WDFY2: variants seen among roughly 807,000 people sequenced by gnomAD.
The protein encoded by WDFY2 is WD repeat and FYVE domain containing 2.
In WDFY2, 36 loss-of-function variants were observed where a neutral mutation model predicts 56.4. The observed-to-expected ratio is 0.64, with a 90% CI of 0.49 to 0.84. The LOEUF (loss-of-function observed/expected upper bound fraction) is 0.84. WDFY2 is among the 40% of genes least tolerant of loss of function. The pLI, the probability that WDFY2 is intolerant of heterozygous loss-of-function variation, is 0.00. For synonymous variants in WDFY2, 176 were observed against 183.7 expected, an observed-to-expected ratio of 0.96 and a Z score of 0.34; for missense variants, 444 against 512.2, an observed-to-expected ratio of 0.87 and a Z score of 1.29.
chr13:51,631,319 A>G (rs1954947962), intron 1 of WDFY2, among the ~76,000 whole-genome samples: 1 of 151,474 alleles, frequency 6.6e-6, no homozygotes, highest in African/African-American at 2.4e-5. Context: ...TGAGATCAGG[A>G]ATTTCAGTCA....
At chr13:51,592,724 C>T (rs1312627267) in intron 1 of WDFY2, 1 of 152,030 alleles carries the variant, frequency 6.6e-6, no homozygotes, top group Non-Finnish European at 1.5e-5. Flanking sequence ...TATGTATTTT[C>T]CATTGGTTAT....
intron 3 of WDFY2, among the ~76,000 whole-genome samples, chr13:51,689,061 C>T (rs1034615439): frequency 1.3e-5 from 2 of 152,206 alleles, no homozygotes; most frequent in African/African-American, 4.8e-5. Context: ...CACTGAATAA[C>T]TTCCAAGAGC....
At chr13:51,629,228 C>T (rs1287294403) in intron 1 of WDFY2, among the ~76,000 whole-genome samples, 4 of 152,174 alleles carry the variant, frequency 2.6e-5, no homozygotes, top group Non-Finnish European at 5.9e-5. Context: ...GTGGGTTTCT[C>T]CCTAGCCTGC....
At position 51,719,196 on chromosome 13, in the gene WDFY2, A is replaced by T. The variant is rs544873303; in HGVS notation, c.335-2A>T. The T allele has an allele frequency of 6.2e-7, 1 of 1,614,184 alleles. No individual in the cohort carries two copies. The highest frequency in any genetic ancestry group is 1.1e-5 in the South Asian group (1 of 91,088). ...GTTGTTTTCTTTTCTCTTGGTTTTC[A>T]GCGCATCAGAGCAGAGTGACGATGA... On this transcript the variant is annotated splice_acceptor_variant, in intron 4 of 11. Transcript: ENST00000298125. LOFTEE classifies it high-confidence loss of function.
At chr13:51,609,697 G>GA (rs1263935459) in intron 1 of WDFY2, among the ~76,000 whole-genome samples, 4 of 126,384 alleles carry the variant, frequency 3.2e-5, no homozygotes, top group South Asian at 4.8e-4. Context: ...GTGATTAAAA[G>GA]AAAAAAAATA....
intron 1 of WDFY2, among the ~76,000 whole-genome samples, chr13:51,641,063 A>G (rs1955145469): frequency 6.6e-6 from 1 of 152,010 alleles, no homozygotes; most frequent in Non-Finnish European, 1.5e-5. Context: ...CATCTTATTC[A>G]TGGAGCATTT....
chr13:51,606,952 G>A (rs919384209), intron 1 of WDFY2, among the ~76,000 whole-genome samples: 1 of 152,094 alleles, frequency 6.6e-6, no homozygotes, highest in African/African-American at 2.4e-5. Context: ...TATCCCTTCA[G>A]TACCAGCCGT....
chr13:51,651,089 A>G (rs533325110), intron 1 of WDFY2, among the ~76,000 whole-genome samples: 11 of 152,280 alleles, frequency 7.2e-5, no homozygotes, highest in African/African-American at 2.4e-4. Flanking sequence ...CCTCAATTTC[A>G]GAGCCTCTTA....
intron 3 of WDFY2, among the ~76,000 whole-genome samples, chr13:51,699,293 C>T (rs1290139065): frequency 6.6e-6 from 1 of 152,122 alleles, no homozygotes; most frequent in African/African-American, 2.4e-5. Flanking sequence ...TCCATCCCTT[C>T]CTTCAGTGGA....
chr13:51,655,821 T>C (rs145500519), intron 1 of WDFY2, among the ~76,000 whole-genome samples: 19 of 152,276 alleles, frequency 1.2e-4, no homozygotes, highest in African/African-American at 4.3e-4. Context: ...TTTTGATTAT[T>C]GATTCAATCT....
intron 1 of WDFY2, among the ~76,000 whole-genome samples, chr13:51,604,455 A>G (rs759326440): frequency 2.0e-5 from 3 of 152,106 alleles, no homozygotes; most frequent in Non-Finnish European, 4.4e-5. Flanking sequence ...AACCTAAGGA[A>G]AGGGCAGTTT....
chr13:51,656,162 T>C (rs1228826480), intron 1 of WDFY2, among the ~76,000 whole-genome samples: 2 of 151,756 alleles, frequency 1.3e-5, no homozygotes, highest in Non-Finnish European at 2.9e-5. Context: ...TGATTTGTGA[T>C]CTTCTTTTTT....
At chr13:51,601,328 A>G (rs767630847) in intron 1 of WDFY2, among the ~76,000 whole-genome samples, 1 of 152,134 alleles carries the variant, frequency 6.6e-6, no homozygotes, top group Non-Finnish European at 1.5e-5. Context: ...CTCTTTCTGA[A>G]TATGTACCAT....
intron 10 of WDFY2, 93 bp downstream of exon 10, chr13:51,756,555 C>G: frequency 6.8e-7 from 1 of 1,477,322 alleles, no homozygotes. Flanking sequence ...TCAGGTTGCT[C>G]TAGTTTCTGC....
At chr13:51,693,531 C>T (rs1951793091) in intron 3 of WDFY2, among the ~76,000 whole-genome samples, 1 of 152,256 alleles carries the variant, frequency 6.6e-6, no homozygotes, top group East Asian at 1.9e-4. Flanking sequence ...AGTTTGATTG[C>T]ACTGTGGTCT....
At chr13:51,591,551 A>G (rs1381052075) in intron 1 of WDFY2, 1 of 152,172 alleles carries the variant, frequency 6.6e-6, no homozygotes, top group Non-Finnish European at 1.5e-5. Context: ...AGACTGACAT[A>G]CTCTCTCACA....
chr13:51,745,973 C>CTTTTTCTTTT (rs1953090484), intron 7 of WDFY2, among the ~76,000 whole-genome samples: 2 of 100,762 alleles, frequency 2.0e-5, no homozygotes, highest in South Asian at 3.5e-4. Context: ...TTTTCTTTTT[C>CTTTTTCTTTT]TTTTTTTTTT....
chr13:51,594,251 A>C (rs1211675769), intron 1 of WDFY2: 1 of 152,010 alleles, frequency 6.6e-6, no homozygotes, highest in Non-Finnish European at 1.5e-5. Flanking sequence ...CATCACTCCT[A>C]ATTTTTGAAA....
chr13:51,596,298 T>C (rs753330411), intron 1 of WDFY2, among the ~76,000 whole-genome samples: 40 of 152,344 alleles, frequency 2.6e-4, no homozygotes, highest in Non-Finnish European at 4.3e-4. Flanking sequence ...CATAGTTAGC[T>C]GAATTGGCAT....
Sources: allele counts gnomAD v4.1 joint callset (sites outside exome capture counted in the v4.1 genomes callset), GRCh38; gene constraint gnomAD v4.1.1; transcripts MANE v1.5; gene names NCBI Gene and HGNC (gene_info 2026-07-23, HGNC 2026-07-21).